Variants in LDB2 observed in about 807,000 individuals in gnomAD.
LDB2 encodes LIM domain-binding protein 2.
In LDB2, 12 loss-of-function variants were observed where a neutral mutation model predicts 44.3. That is an observed-to-expected ratio of 0.27 (90% CI 0.17 to 0.44). The LOEUF (loss-of-function observed/expected upper bound fraction) is 0.44, where lower values mean the gene tolerates loss of function less well. Ranked by LOEUF, LDB2 falls within the 20% of genes least tolerant of loss-of-function variation. The probability of loss-of-function intolerance (pLI) is 1.00; values close to 1 mark genes in which losing one functional copy is unlikely to be tolerated. For missense variants in LDB2, 344 were observed against 473.5 expected, an observed-to-expected ratio of 0.73 and a Z score of 2.54; for synonymous variants, 164 against 174.8, an observed-to-expected ratio of 0.94 and a Z score of 0.49.
chr4:16,507,219 T>C (rs1324418894), intron 7 of LDB2: 1 of 152,192 alleles, frequency 6.6e-6, no homozygotes, highest in South Asian at 2.1e-4. Flanking sequence ...AAATGTAACA[T>C]GGCACCTTCC....
Position 16,569,753 on chromosome 4 carries a change from T to C in LDB2, c.615+16169A>G, listed in dbSNP as rs1287578068. 2.0e-5 allele frequency among the ~76,000 whole-genome samples: 3 copies of C among 152,302 alleles called. No individual in the cohort carries two copies. The South Asian group carries it at 6.2e-4, about 32-fold the overall frequency. ...ATGGTATTTATTATTTTATATGTGG[T>C]AGTTGTTAATATTTCTATTCTGTAT... On this transcript the variant is annotated intron_variant, in intron 5 of 7. Coordinates refer to ENST00000304523, the MANE Select transcript of LDB2 (RefSeq NM_001290.5).
chr4:16,807,027 C>G (rs1355535194), intron 1 of LDB2, among the ~76,000 whole-genome samples: 1 of 152,182 alleles, frequency 6.6e-6, no homozygotes, highest in Non-Finnish European at 1.5e-5. Context: ...GTTTGGGAAC[C>G]AAGAAAACTG....
chr4:16,869,974 G>A (rs1057287675), intron 1 of LDB2, among the ~76,000 whole-genome samples: 1 of 152,136 alleles, frequency 6.6e-6, no homozygotes, highest in African/African-American at 2.4e-5. Context: ...TCAGTCTTTG[G>A]GGACTTGTTC....
At chr4:16,577,756 T>C (rs1049273331) in intron 5 of LDB2, among the ~76,000 whole-genome samples, 2 of 152,022 alleles carry the variant, frequency 1.3e-5, no homozygotes, top group African/African-American at 4.8e-5. Context: ...ACACCCAGAA[T>C]AGCCAAAGTT....
intron 2 of LDB2, among the ~76,000 whole-genome samples, chr4:16,733,707 C>T (rs1761247476): frequency 6.6e-6 from 1 of 152,206 alleles, no homozygotes; most frequent in African/African-American, 2.4e-5. Context: ...CCCTGATAGG[C>T]TGAGCACAGC....
chr4:16,521,612 T>C (rs1166757814), intron 5 of LDB2, among the ~76,000 whole-genome samples: 3 of 152,136 alleles, frequency 2.0e-5, no homozygotes, highest in Non-Finnish European at 2.9e-5. Flanking sequence ...ATTTCTTGCC[T>C]TCTCTGTAGT....
At chr4:16,674,369 T>C in intron 2 of LDB2, 1 of 894,410 alleles carries the variant, frequency 1.1e-6, no homozygotes, top group Non-Finnish European at 1.6e-6. Flanking sequence ...ATAAGAGCAG[T>C]TGCCCTGGAG....
chr4:16,594,681 G>C (rs904098016), intron 3 of LDB2, among the ~76,000 whole-genome samples: 4 of 152,120 alleles, frequency 2.6e-5, no homozygotes, highest in Admixed American at 6.5e-5. Context: ...TTTTATTCTT[G>C]CAGCAAAATT....
In LDB2 at chr4:16,655,713, A is replaced by G. The variant is rs78678457; in HGVS notation, c.236-59838T>C. 1.8e-3 allele frequency among the ~76,000 whole-genome samples: 269 copies of G among 152,242 alleles called. 6 individuals carry two copies. The East Asian group carries it at 0.043, about 24-fold the overall frequency. ...TGTGGTAGCCCCTCCTCGATGCCAC[A>G]AAGTGGACACCAGCTTATGGCCAGT... On this transcript the variant is annotated intron_variant, in intron 2 of 7. Coordinates refer to ENST00000304523, the MANE Select transcript of LDB2 (RefSeq NM_001290.5).
chr4:16,773,509 G>A (rs184963019), intron 1 of LDB2, among the ~76,000 whole-genome samples: 2 of 152,032 alleles, frequency 1.3e-5, no homozygotes, highest in African/African-American at 2.4e-5. Context: ...TCGATCCCTC[G>A]CATGCACAGT....
intron 5 of LDB2, among the ~76,000 whole-genome samples, chr4:16,531,667 T>C (rs544242792): frequency 8.9e-4 from 135 of 152,346 alleles, no homozygotes; most frequent in Middle Eastern, 6.8e-3. Context: ...TTGTTCAAGT[T>C]CTTGTGGGTC....
At chr4:16,781,475 TGAG>T (rs1773214736) in intron 1 of LDB2, among the ~76,000 whole-genome samples, 1 of 151,938 alleles carries the variant, frequency 6.6e-6, no homozygotes, top group Non-Finnish European at 1.5e-5. Flanking sequence ...GCACGAACAG[TGAG>T]GAGGATTACC....
chr4:16,694,395 C>T (rs757964703), intron 2 of LDB2, among the ~76,000 whole-genome samples: 1 of 152,200 alleles, frequency 6.6e-6, no homozygotes, highest in Non-Finnish European at 1.5e-5. Context: ...GAACATTGAC[C>T]GATCACAGCT....
intron 1 of LDB2, among the ~76,000 whole-genome samples, chr4:16,838,680 T>G (rs2110093882): frequency 6.6e-6 from 1 of 152,306 alleles, no homozygotes; most frequent in Middle Eastern, 3.4e-3. Flanking sequence ...GTCACCAAAC[T>G]TGGCTCAACC....
chr4:16,593,168 C>G (rs148402672), intron 3 of LDB2, among the ~76,000 whole-genome samples: 22 of 152,240 alleles, frequency 1.4e-4, no homozygotes, highest in African/African-American at 4.8e-4. Flanking sequence ...ATAAAAGCAA[C>G]TCAGAACCAC....
intron 2 of LDB2, among the ~76,000 whole-genome samples, chr4:16,652,206 C>A (rs1738479063): frequency 6.6e-6 from 1 of 152,148 alleles, no homozygotes. Context: ...CTTGCCCTCC[C>A]AAAGTGTTAT....
Position 16,851,665 on chromosome 4 carries a change from T to C in LDB2, c.132+46689A>G, listed in dbSNP as rs146760548. Among the ~76,000 whole-genome samples, 4 of 152,034 alleles carry C rather than the reference T, an allele frequency of 2.6e-5. No individual in the cohort carries two copies. The East Asian group carries it at 7.7e-4, about 29-fold the overall frequency. ...AACAGGTAAACACAAAAGATGTCAT[T>C]AGGATTTGCCAATGTGTAGATGAGT... On this transcript the variant is annotated intron_variant, in intron 1 of 7. Coordinates refer to ENST00000304523, the MANE Select transcript of LDB2 (RefSeq NM_001290.5).
intron 5 of LDB2, among the ~76,000 whole-genome samples, chr4:16,557,402 A>T (rs1378061348): frequency 6.6e-6 from 1 of 152,184 alleles, no homozygotes; most frequent in Non-Finnish European, 1.5e-5. Flanking sequence ...GCACCAGGAG[A>T]TTATATCCCG....
At chr4:16,729,273 A>G (rs1205743073) in intron 2 of LDB2, among the ~76,000 whole-genome samples, 1 of 152,212 alleles carries the variant, frequency 6.6e-6, no homozygotes, top group Non-Finnish European at 1.5e-5. Context: ...TGTCATTTTA[A>G]AAAAGCCTTT....
Sources: gnomAD v4.1 joint callset for allele counts (sites outside exome capture counted in the v4.1 genomes callset) on GRCh38, gnomAD v4.1.1 for gene constraint, MANE v1.5 for transcripts, NCBI Gene and HGNC (gene_info 2026-07-23, HGNC 2026-07-21) for gene names.